The following ANO7 variants were observed in gnomAD, a reference collection of about 807,000 sequenced individuals.
The protein encoded by ANO7 is anoctamin-7.
In ANO7, 114 loss-of-function variants were observed where a neutral mutation model predicts 115.8. The ratio of observed to expected loss-of-function variants is 0.98; its 90% CI spans 0.85 to 1.15. ANO7 has a LOEUF of 1.15. ANO7 is among the 50% of genes most tolerant of loss of function. The probability of loss-of-function intolerance (pLI) is 0.00; values close to 1 mark genes in which losing one functional copy is unlikely to be tolerated. For synonymous variants in ANO7, 550 were observed against 498.2 expected (o/e 1.10, Z -1.38); for missense variants, 1,302 against 1,201.2 (o/e 1.08, Z -1.24).
Position 241,225,623 on chromosome 2 carries a change from G to A in ANO7, c.*1470G>A, listed in dbSNP as rs895670998. 1.3e-5 allele frequency among the ~76,000 whole-genome samples: 2 copies of A among 152,126 alleles called. No homozygotes were observed. The highest frequency in any genetic ancestry group is 2.9e-5 in the Non-Finnish European group (2 of 68,030). On this transcript the variant is annotated 3_prime_UTR_variant, in exon 25 of 25. Transcript: ENST00000674324. ...AAAAGGCCTCTTTCTGAACATCCTCGCCTGCGTTCTATTTCACCCACCGTG... is the reference window on the plus strand; with the variant it reads ...AAAAGGCCTCTTTCTGAACATCCTCACCTGCGTTCTATTTCACCCACCGTG...
intron 18 of ANO7, among the ~76,000 whole-genome samples, 189 bp downstream of exon 18, chr2:241,215,091 C>T (rs1223049984): frequency 6.6e-6 from 1 of 152,204 alleles, no homozygotes; most frequent in East Asian, 1.9e-4. Context: ...CTGCAGCTGC[C>T]CTGTGGCTGG....
intron 11 of ANO7, among the ~76,000 whole-genome samples, chr2:241,208,734 C>T (rs894732741): frequency 2.0e-5 from 3 of 152,138 alleles, no homozygotes; most frequent in African/African-American, 7.2e-5. Context: ...GGTCCAAAAC[C>T]TCATGAAAAT....
At chr2:241,234,916 T>TA in the ANO7 span, among the ~76,000 whole-genome samples, 3 of 152,178 alleles carry the variant, frequency 2.0e-5, no homozygotes, top group African/African-American at 7.2e-5. Flanking sequence ...GTCACTTTTT[T>TA]ATGAAAAAGA....
At chr2:241,191,340 G>GTAGC in intron 3 of ANO7, 89 bp downstream of exon 3, 1 of 1,532,830 alleles carries the variant, frequency 6.5e-7, no homozygotes, top group Non-Finnish European at 8.9e-7. Context: ...GCAGGCTGGG[G>GTAGC]TAGCCTCCTC....
chr2:241,199,546 AC>A, intron 5 of ANO7, 123 bp downstream of exon 5: 1 of 902,758 alleles, frequency 1.1e-6, no homozygotes, highest in Non-Finnish European at 1.7e-6. Context: ...GGCTCCTCCT[AC>A]CCACCCCGAC....
In ANO7 at chr2:241,202,190, G is replaced by A; in HGVS notation, c.613-4G>A. On this transcript the variant is annotated splice_polypyrimidine_tract_variant and splice_region_variant and intron_variant, in intron 7 of 24. Coordinates refer to ENST00000674324, the MANE Select transcript of ANO7 (RefSeq NM_001370694.2). ...ACCTGCGCCATCCTCCACATCCCCT[G>A]CAGCTGTTTGAGATCCTGGCCAAGA... 1 of 1,613,056 alleles carries A rather than the reference G, an allele frequency of 6.2e-7. No individual in the cohort carries two copies.
intron 11 of ANO7, among the ~76,000 whole-genome samples, chr2:241,208,324 G>A (rs2068636270): frequency 6.6e-6 from 1 of 152,192 alleles, no homozygotes; most frequent in Admixed American, 6.5e-5. Flanking sequence ...TGGCAGGCTT[G>A]GCCACTTCTG....
Position 241,210,525 on chromosome 2 carries a change from C to T in ANO7, c.1516C>T (p.Leu506Phe), listed in dbSNP as rs1288128467. Residue 506 changes from leucine (L) to phenylalanine (F), a missense_variant, in exon 15 of 25, where the codon CTC (leucine) becomes TTC (phenylalanine). Physicochemically the swap from Leu to Phe is conservative, Grantham distance 22 (BLOSUM62 0). Transcript: ENST00000674324. ...AGTGAACCTCGTCTTCATCCTCATC[C>T]TCTCCAAGATCTATGTATCCCTGGC... ...SVVNLVFILI[L>F]SKIYVSLAHV... 6 of 1,613,936 alleles carry T rather than the reference C, an allele frequency of 3.7e-6. No individual in the cohort carries two copies. Among genetic ancestry groups the T allele is most frequent in the Non-Finnish European group, 5.1e-6 (6 of 1,180,014 alleles).
chr2:241,222,442 CTG>C, intron 21 of ANO7, among the ~76,000 whole-genome samples: 2 of 151,960 alleles, frequency 1.3e-5, no homozygotes, highest in Non-Finnish European at 2.9e-5. Flanking sequence ...AGTGTGCTCT[CTG>C]TGTTGCCGCA....
At chr2:241,238,637 T>TG in the ANO7 span, 8 of 1,551,728 alleles carry the variant, frequency 5.2e-6, no homozygotes, top group African/African-American at 2.7e-5. This position sits in a 1 kb window ranked among gnomAD's most constrained non-coding sequence, Gnocchi z 4.9. Flanking sequence ...GCAGGGCTAA[T>TG]GGGGGACCCA....
rs776344854 is a variant in ANO7, at chr2:241,188,755, C to G, written c.-19C>G. 4 of 1,613,170 alleles carry G rather than the reference C, an allele frequency of 2.5e-6. No individual in the cohort carries two copies. In the South Asian group the frequency reaches 4.4e-5, roughly 18 times the overall value. ...TGACCTCCGAGACCTCTTCCGGAAG[C>G]CACTGTGCCAGGTGGGGACCCAGCC... On this transcript the variant is annotated 5_prime_UTR_variant, in exon 1 of 25. Transcript: ENST00000674324. The surrounding 1 kb of genome is among the most constrained non-coding windows in gnomAD (Gnocchi z 4.3).
At chr2:241,210,422 C>T (rs772754297) in intron 14 of ANO7, 29 bp downstream of exon 14, 1 of 1,613,746 alleles carries the variant, frequency 6.2e-7, no homozygotes, top group South Asian at 1.1e-5. Flanking sequence ...CCTCGGGGGG[C>T]CCTGAGCGGC....
intron 3 of ANO7, among the ~76,000 whole-genome samples, chr2:241,192,108 G>A (rs1313697147): frequency 2.0e-5 from 3 of 152,190 alleles, no homozygotes; most frequent in East Asian, 1.9e-4. Context: ...AGGCCAAGGC[G>A]GGTGGATCAC....
intron 2 of ANO7, among the ~76,000 whole-genome samples, chr2:241,190,705 C>A (rs1227674396): frequency 6.6e-6 from 1 of 152,194 alleles, no homozygotes; most frequent in Admixed American, 6.5e-5. Flanking sequence ...CTTCCTGCCG[C>A]CCCAAGCACA....
the ANO7 span, chr2:241,235,062 CAT>C: frequency 3.2e-6 from 5 of 1,584,616 alleles, no homozygotes; most frequent in South Asian, 3.3e-5. Context: ...TAGATTCTGA[CAT>C]GTGCCCAAAG....
At chr2:241,196,295 T>C (rs916074069) in intron 4 of ANO7, 13 of 510,646 alleles carry the variant, frequency 2.5e-5, no homozygotes, top group Admixed American at 1.1e-4. Flanking sequence ...CCGGGGAGCG[T>C]GAGAAACAGG....
intron 4 of ANO7, among the ~76,000 whole-genome samples, chr2:241,197,651 C>CTTT (rs397869408): frequency 7.4e-6 from 1 of 135,066 alleles, no homozygotes. Context: ...GTCACCTGCC[C>CTTT]TTTTTTTTTT....
At chr2:241,226,385 T>C (rs746012420), downstream of ANO7, among the ~76,000 whole-genome samples, 4 of 152,006 alleles carry the variant, frequency 2.6e-5, no homozygotes, top group Non-Finnish European at 2.9e-5. Context: ...GTTGCATATT[T>C]AGGGCCCAAC....
At chr2:241,223,148 G>GC in intron 21 of ANO7, 38 bp from the exon 22 acceptor site, 1 of 1,595,038 alleles carries the variant, frequency 6.3e-7, no homozygotes, top group Non-Finnish European at 8.6e-7. Flanking sequence ...CCAACACTCA[G>GC]CCCTGGCTGC....
Sources: allele counts gnomAD v4.1 joint callset (sites outside exome capture counted in the v4.1 genomes callset), GRCh38; gene constraint gnomAD v4.1.1; non-coding constraint Gnocchi (gnomAD v3.1); transcripts MANE v1.5; gene names NCBI Gene and HGNC (gene_info 2026-07-23, HGNC 2026-07-21).